NFATC2: variants seen among roughly 807,000 people sequenced by gnomAD.
NFATC2 encodes the protein nuclear factor of activated T-cells, cytoplasmic 2.
In NFATC2, 22 loss-of-function variants were observed where a neutral mutation model predicts 87.3. The observed-to-expected ratio is 0.25, with a 90% CI of 0.18 to 0.36. The LOEUF is 0.36. NFATC2 is among the 10% of genes least tolerant of loss of function. NFATC2 has a pLI of 1.00. For missense variants in NFATC2, 1,149 were observed against 1,259.1 expected, an observed-to-expected ratio of 0.91 and a Z score of 1.32; for synonymous variants, 565 against 542.2, an observed-to-expected ratio of 1.04 and a Z score of -0.58.
chr20:51,477,283 T>C (rs1568666590), intron 3 of NFATC2, among the ~76,000 whole-genome samples: 1 of 151,732 alleles, frequency 6.6e-6, no homozygotes, highest in Non-Finnish European at 1.5e-5. Context: ...ACATACAGCA[T>C]GATACAACTT....
chr20:51,561,449 AAGAAAG>A (rs1451452359), intron 1 of NFATC2, among the ~76,000 whole-genome samples: 2 of 107,610 alleles, frequency 1.9e-5, no homozygotes, highest in African/African-American at 7.1e-5. Flanking sequence ...GAAAGAAAGA[AAGAAAG>A]AAAGAAAGAA....
chr20:51,475,622 C>A lies in NFATC2; in HGVS notation c.1371G>T (p.Gln457His), dbSNP rs781251250. 6.2e-7 allele frequency: 1 copy of A among 1,614,130 alleles called. No homozygotes were observed. The highest frequency in any genetic ancestry group is 1.1e-5 in the South Asian group (1 of 91,070). The change falls in exon 4 of 11, where the codon CAG becomes CAT. Residue 457 changes from glutamine (Q) to histidine (H), a missense_variant. This residue lies in a region of NFATC2 where 581 missense variants were observed against 649.7 expected (regional missense o/e 0.89). Transcript: ENST00000371564. ...GCTCATCAGCTGTCCCAATGAAGAT[C>A]TGAAGTCCCAGAGGCTTGTTTTCCA... Reference protein sequence around the residue: ...GYMENKPLGLQIFIGTADERI... With the variant: ...GYMENKPLGLHIFIGTADERI...
At chr20:51,458,269 C>T (rs959396128) in intron 5 of NFATC2, among the ~76,000 whole-genome samples, 2 of 151,874 alleles carry the variant, frequency 1.3e-5, no homozygotes. Flanking sequence ...AGGGGGTGTC[C>T]TGGGGGTGTC....
intron 3 of NFATC2, among the ~76,000 whole-genome samples, chr20:51,513,739 A>G (rs1174140220): frequency 6.6e-6 from 1 of 152,244 alleles, no homozygotes; most frequent in Non-Finnish European, 1.5e-5. Context: ...CCCTCCCAAG[A>G]CAGGGCCAAT....
rs561008823 is a variant in NFATC2 at position 51,474,862 on chromosome 20, AT to A, written c.1535+595del. 2.4e-3 allele frequency among the ~76,000 whole-genome samples: 366 copies of A among 152,254 alleles called. 3 individuals are homozygous for A. The highest frequency in any genetic ancestry group is 8.5e-3 in the African/African-American group (352 of 41,538). ...TTAATGATCTCTCTAGGTCAAATTA[AT>A]TTTTTAAATATAAGTAAATTTAACC... is the stretch of plus-strand genomic sequence containing the variant. On this transcript the variant is annotated intron_variant, in intron 4 of 10. Coordinates refer to ENST00000371564, the MANE Select transcript of NFATC2 (RefSeq NM_012340.5).
In NFATC2 at chr20:51,411,516, C is replaced by CTTTTTTTTT. The variant is rs67935951; in HGVS notation, c.2723-12795_2723-12787dup. On this transcript the variant is annotated intron_variant, in intron 9 of 10. Coordinates refer to ENST00000371564, the MANE Select transcript of NFATC2 (RefSeq NM_012340.5). ...CAAGGTCCTGAAGCAATGCAATTGT[C>CTTTTTTTTT]TTTTTTTTTTTTTTTTTTTTTTTTT... 5.0e-4 allele frequency among the ~76,000 whole-genome samples: 44 copies of CTTTTTTTTT among 87,252 alleles called. 4 individuals carry two copies. Among genetic ancestry groups the CTTTTTTTTT allele is most frequent in the African/African-American group, 1.8e-3 (43 of 23,966 alleles). The allele number at this position is 87,252 out of a possible 152,430, so 57.2% of individuals were successfully genotyped here. A position where few individuals can be genotyped will look rare whatever the true frequency, so the allele number is the denominator to read the frequency against.
chr20:51,406,449 G>C (rs1978333732), intron 9 of NFATC2, among the ~76,000 whole-genome samples: 1 of 152,322 alleles, frequency 6.6e-6, no homozygotes, highest in Admixed American at 6.5e-5. Flanking sequence ...GATTTAAGAA[G>C]CAAAGAGCGG....
intron 1 of NFATC2, among the ~76,000 whole-genome samples, chr20:51,551,886 G>C (rs1008476718): frequency 6.6e-6 from 1 of 151,998 alleles, no homozygotes; most frequent in Admixed American, 6.6e-5. Context: ...AGTTAGCCGG[G>C]TGTGGTGGCG....
chr20:51,535,110 G>A (rs560657084), intron 1 of NFATC2, among the ~76,000 whole-genome samples: 1 of 152,288 alleles, frequency 6.6e-6, no homozygotes, highest in African/African-American at 2.4e-5. Context: ...CCTCAGAGTG[G>A]CTTCCTCACC....
chr20:51,561,480 A>G (rs55910412), intron 1 of NFATC2, among the ~76,000 whole-genome samples: 2 of 111,194 alleles, frequency 1.8e-5, no homozygotes, highest in South Asian at 3.1e-4. Context: ...AGAAAGAAAG[A>G]AAGAAAGCAA....
intron 9 of NFATC2, among the ~76,000 whole-genome samples, chr20:51,403,081 A>C (rs891957528): frequency 2.0e-5 from 3 of 152,056 alleles, no homozygotes; most frequent in Non-Finnish European, 2.9e-5. Context: ...CCGAAGCCCA[A>C]CTCAAGCGCA....
intron 3 of NFATC2, among the ~76,000 whole-genome samples, chr20:51,498,853 A>AATC (rs2076032570): frequency 6.6e-6 from 1 of 152,172 alleles, no homozygotes; most frequent in Admixed American, 6.5e-5. Flanking sequence ...TTGGTAGGAG[A>AATC]ATCAGGGGAA....
rs573786912 is a variant in NFATC2, at chr20:51,428,546, G to A, written c.2722+3521C>T. Among the ~76,000 whole-genome samples, 14 of 152,350 alleles carry A rather than the reference G, an allele frequency of 9.2e-5. No individual in the cohort carries two copies. The South Asian group carries it at 2.5e-3, about 27-fold the overall frequency. ...TGCAGGAATGCAGGCGGGAAGGGCT[G>A]AGATAAAGCACAGATGCCCCATGAG... is the stretch of plus-strand genomic sequence containing the variant. On this transcript the variant is annotated intron_variant, in intron 9 of 10. Transcript: ENST00000371564.
intron 1 of NFATC2, among the ~76,000 whole-genome samples, chr20:51,560,811 G>T (rs763992813): frequency 6.6e-6 from 1 of 152,170 alleles, no homozygotes; most frequent in African/African-American, 2.4e-5. Flanking sequence ...TTGAACACGC[G>T]CACACAAAAT....
chr20:51,420,758 G>T (rs1344271421), intron 9 of NFATC2, among the ~76,000 whole-genome samples: 1 of 152,102 alleles, frequency 6.6e-6, no homozygotes, highest in Admixed American at 6.6e-5. Flanking sequence ...ACAACCGGAA[G>T]TTTAAACACT....
chr20:51,399,550 C>T (rs1306074727), intron 9 of NFATC2, among the ~76,000 whole-genome samples: 1 of 152,208 alleles, frequency 6.6e-6, no homozygotes, highest in Non-Finnish European at 1.5e-5. Context: ...TCAAGGGAGA[C>T]AGAATGCTCA....
intron 6 of NFATC2, among the ~76,000 whole-genome samples, chr20:51,437,862 T>A (rs959257347): frequency 2.0e-5 from 3 of 152,100 alleles, no homozygotes; most frequent in Admixed American, 6.6e-5. Flanking sequence ...CTAATCAACA[T>A]CTCATGACTG....
At position 51,389,021 on chromosome 20, in the gene NFATC2, G is replaced by C. The variant is rs1370198585; in HGVS notation, c.*2475C>G. The C allele has an allele frequency of 6.6e-6, 1 of 152,094 alleles. No individual in the cohort carries two copies. Among genetic ancestry groups the C allele is most frequent in the Non-Finnish European group, 1.5e-5 (1 of 68,010 alleles). 9.4% of individuals were successfully genotyped at this position (152,094 alleles called of 1,614,324 possible). The stretch of plus-strand genomic sequence containing the variant: ...GTCAGTTCCTAATACACTTTCTCTT[G>C]CCTGTTTATGTCTCAAATCTAATGC... On this transcript the variant is annotated 3_prime_UTR_variant, in exon 11 of 11. Transcript: ENST00000371564.
At chr20:51,545,112 C>A (rs2076878435), upstream of NFATC2, among the ~76,000 whole-genome samples, 1 of 152,090 alleles carries the variant, frequency 6.6e-6, no homozygotes, top group Non-Finnish European at 1.5e-5. Context: ...TGACAGGGAC[C>A]CAAGGTCCAG....
Sources: gnomAD v4.1 joint callset for allele counts (sites outside exome capture counted in the v4.1 genomes callset) on GRCh38, gnomAD v4.1.1 for gene constraint, gnomAD v4.1.1 regional missense constraint, MANE v1.5 for transcripts, NCBI Gene and HGNC (gene_info 2026-07-23, HGNC 2026-07-21) for gene names.